Variants in DNAJC13 observed in about 807,000 individuals in gnomAD.
DNAJC13 encodes DnaJ heat shock protein family (Hsp40) member C13.
A neutral mutation model predicts 290.5 loss-of-function variants in DNAJC13; 75 were observed. That is an observed-to-expected ratio of 0.26 (90% confidence interval 0.21 to 0.31). DNAJC13 has a LOEUF of 0.31. Among genes scored for constraint, DNAJC13 ranks in the 10% least tolerant of loss-of-function variants. The probability of loss-of-function intolerance (pLI) is 1.00; values close to 1 mark genes in which losing one functional copy is unlikely to be tolerated. For missense variants in DNAJC13, 2,260 were observed against 2,674.5 expected (o/e 0.85, Z 3.42); for synonymous variants, 862 against 892.0 (o/e 0.97, Z 0.60).
At chr3:132,434,725 C>A in intron 2 of DNAJC13, 107 bp downstream of exon 2, 1 of 739,592 alleles carries the variant, frequency 1.4e-6, no homozygotes, top group Non-Finnish European at 2.0e-6. Context: ...CTATACAGCC[C>A]TTCTCTTCTG....
chr3:132,481,906 C>T (rs937327839), intron 26 of DNAJC13, among the ~76,000 whole-genome samples: 1 of 152,130 alleles, frequency 6.6e-6, no homozygotes, highest in Admixed American at 6.5e-5. Flanking sequence ...TTCTTTGCTA[C>T]TAAAATCTTA....
chr3:132,474,657 C>G (rs1018784924), intron 21 of DNAJC13, among the ~76,000 whole-genome samples: 1 of 147,744 alleles, frequency 6.8e-6, no homozygotes, highest in South Asian at 2.1e-4. Context: ...CCTTTTTTTC[C>G]TCAACTTTTT....
chr3:132,437,412 A>C (rs1939411230), intron 2 of DNAJC13, among the ~76,000 whole-genome samples: 3 of 152,214 alleles, frequency 2.0e-5, no homozygotes. Context: ...AAAAGCCATT[A>C]CCTAACCCAA....
chr3:132,437,036 G>A (rs1939403401), intron 2 of DNAJC13, among the ~76,000 whole-genome samples: 1 of 151,782 alleles, frequency 6.6e-6, no homozygotes, highest in African/African-American at 2.4e-5. Flanking sequence ...ATGCCACCAT[G>A]CCTAGCTAAT....
chr3:132,525,752 G>T lies in DNAJC13; in HGVS notation c.6203G>T (p.Ser2068Ile). ...MNHRNNAIPK[S>I]AIRVIHALSE... The stretch of plus-strand genomic sequence containing the variant: ...CATAGGAACAATGCCATTCCTAAGA[G>T]TGCCATTCGGGTTATCCATGCCTTG... Residue 2068 changes from serine to isoleucine, a missense_variant, in exon 52 of 56, where the codon AGT (serine) becomes ATT (isoleucine). Ser to Ile is a moderately radical substitution (Grantham distance 142). Around this residue, in one of 3 missense-constraint regions of DNAJC13, gnomAD observed 1,494 missense variants for 1,693.7 expected, o/e 0.88. Transcript: ENST00000260818. 9 of 1,614,134 alleles carry T rather than the reference G, an allele frequency of 5.6e-6. No individual in the cohort carries two copies. The highest frequency in any genetic ancestry group is 1.3e-5 in the African/African-American group (1 of 75,040).
chr3:132,470,061 A>G (rs1390468299), intron 20 of DNAJC13, among the ~76,000 whole-genome samples: 1 of 107,968 alleles, frequency 9.3e-6, no homozygotes, highest in Non-Finnish European at 1.8e-5. Flanking sequence ...TCATGGGACA[A>G]TAGTGGAGGG....
chr3:132,532,800 C>T (rs1256470815), intron 55 of DNAJC13, among the ~76,000 whole-genome samples: 9 of 151,422 alleles, frequency 5.9e-5, no homozygotes, highest in East Asian at 1.9e-4. Flanking sequence ...TGCAGTGGTG[C>T]GACCTCAGCT....
chr3:132,466,195 A>G (rs1933974691), intron 18 of DNAJC13, 104 bp from the exon 19 acceptor site: 3 of 1,421,892 alleles, frequency 2.1e-6, no homozygotes, highest in African/African-American at 1.4e-5. Flanking sequence ...GAGTTACCGT[A>G]AAGTTTTACC....
In DNAJC13 at chr3:132,483,448, G is replaced by A. The variant is rs775777505; in HGVS notation, c.3053G>A (p.Arg1018Gln). 3 of 1,613,942 alleles carry A rather than the reference G, an allele frequency of 1.9e-6. No homozygotes were observed. The highest frequency in any genetic ancestry group is 1.6e-4 in the Middle Eastern group (1 of 6,084). Residue 1018 changes from arginine to glutamine, a missense_variant, in exon 28 of 56, where the codon CGA (arginine) becomes CAA (glutamine). Arg to Gln is a conservative substitution (Grantham distance 43). Transcript: ENST00000260818. ...TGGGCTCAAGGCATGGATGGATGGC[G>A]ACCACTTCAGTCCATACCCCAGCTT... ...RCWAQGMDGWRPLQSIPQLKW... is the reference protein window; with the variant it reads ...RCWAQGMDGWQPLQSIPQLKW...
At chr3:132,426,934 T>C (rs190610422) in intron 1 of DNAJC13, among the ~76,000 whole-genome samples, 80 of 152,126 alleles carry the variant, frequency 5.3e-4, no homozygotes, top group African/African-American at 1.9e-3. Flanking sequence ...ATTAAAAATG[T>C]AGTAAATAAG....
At chr3:132,497,922 G>T (rs772500116) in intron 36 of DNAJC13, among the ~76,000 whole-genome samples, 1 of 151,600 alleles carries the variant, frequency 6.6e-6, no homozygotes, top group African/African-American at 2.4e-5. Flanking sequence ...AGCCAGTTTA[G>T]AAATGAGTTT....
At chr3:132,494,465 T>C (rs551333927) in intron 34 of DNAJC13, among the ~76,000 whole-genome samples, 2 of 152,348 alleles carry the variant, frequency 1.3e-5, no homozygotes, top group South Asian at 4.1e-4. Flanking sequence ...CTCTTCTTGC[T>C]GGTACATTCA....
intron 2 of DNAJC13, among the ~76,000 whole-genome samples, chr3:132,436,831 A>C (rs1939396976): frequency 6.6e-6 from 1 of 151,634 alleles, no homozygotes; most frequent in Non-Finnish European, 1.5e-5. Flanking sequence ...TTGATGAAAT[A>C]ATCTATTGAA....
intron 2 of DNAJC13, among the ~76,000 whole-genome samples, chr3:132,444,145 A>T (rs1050945623): frequency 1.3e-5 from 2 of 152,074 alleles, no homozygotes; most frequent in African/African-American, 4.8e-5. Flanking sequence ...CATGAGAGGG[A>T]TCTAGGTTGT....
chr3:132,494,333 T>G (rs2107711572), intron 34 of DNAJC13, 74 bp downstream of exon 34: 1 of 1,120,312 alleles, frequency 8.9e-7, no homozygotes, highest in East Asian at 2.4e-5. Context: ...AAGTTATATT[T>G]AAATCAATCA....
intron 40 of DNAJC13, 24 bp downstream of exon 40, chr3:132,502,492 T>C (rs1048667839): frequency 6.4e-7 from 1 of 1,574,400 alleles, no homozygotes; most frequent in East Asian, 2.3e-5. Flanking sequence ...TGCTTTAATA[T>C]TGAATTTGAA....
At chr3:132,537,330 T>C in intron 55 of DNAJC13, 1 of 434,518 alleles carries the variant, frequency 2.3e-6, no homozygotes, top group Non-Finnish European at 4.7e-6. Context: ...ACCCTCAATG[T>C]TCCTTAGTTG....
intron 29 of DNAJC13, among the ~76,000 whole-genome samples, chr3:132,486,593 T>G (rs1934885888): frequency 6.6e-6 from 1 of 152,198 alleles, no homozygotes; most frequent in African/African-American, 2.4e-5. Context: ...GACTCCTATT[T>G]TTTTATATTG....
At chr3:132,454,939 A>T (rs571958618) in intron 9 of DNAJC13, among the ~76,000 whole-genome samples, 33 of 152,340 alleles carry the variant, frequency 2.2e-4, no homozygotes, top group Middle Eastern at 3.4e-3. Flanking sequence ...TACATGCAGA[A>T]AGTAAAGCAA....
Sources: allele counts gnomAD v4.1 joint callset (sites outside exome capture counted in the v4.1 genomes callset), GRCh38; gene constraint gnomAD v4.1.1; regional missense constraint gnomAD v4.1.1; transcripts MANE v1.5; gene names NCBI Gene and HGNC (gene_info 2026-07-23, HGNC 2026-07-21).